Variants in LHCGR observed in about 807,000 individuals in gnomAD.
LHCGR encodes the protein luteinizing hormone/choriogonadotropin receptor, also known as lutropin-choriogonadotropic hormone receptor.
LHCGR carries 55 observed loss-of-function variants against 60.7 expected under a neutral mutation model. The ratio of observed to expected loss-of-function variants is 0.91; its 90% CI spans 0.73 to 1.13. LHCGR has a LOEUF of 1.13. Among genes scored for constraint, LHCGR ranks in the 50% most tolerant of loss-of-function variants. The probability of loss-of-function intolerance (pLI) is 0.00; values close to 1 mark genes in which losing one functional copy is unlikely to be tolerated. For missense variants in LHCGR, 862 were observed against 836.0 expected, an observed-to-expected ratio of 1.03 and a Z score of -0.38; for synonymous variants, 337 against 316.5, an observed-to-expected ratio of 1.06 and a Z score of -0.69.
chr2:48,688,743 G>A lies in LHCGR; in HGVS notation c.1054C>T (p.Pro352Ser), dbSNP rs865884158. The A allele has an allele frequency of 1.9e-6, 3 of 1,613,958 alleles. No individual in the cohort carries two copies. The highest frequency in any genetic ancestry group is 2.5e-6 in the Non-Finnish European group (3 of 1,179,976). Residue 352 changes from proline to serine, a missense_variant, in exon 11 of 11, where the codon CCC becomes TCC. Coordinates refer to ENST00000294954, the MANE Select transcript of LHCGR (RefSeq NM_000233.4). The surrounding 1 kb of genome is among the most constrained non-coding windows in gnomAD (Gnocchi z 5.2). ...RCAPEPDAFN[P>S]CEDIMGYDFL... is the part of the protein sequence containing the mutation. ...TCATAGCCCATAATATCTTCACAGG[G>A]ATTAAAAGCATCTGGTTCAGGAGCA...
intron 1 of LHCGR, among the ~76,000 whole-genome samples, chr2:48,752,195 C>T (rs1408497039): frequency 2.0e-5 from 3 of 152,078 alleles, no homozygotes; most frequent in East Asian, 1.9e-4. Context: ...AAAATTTGAA[C>T]GATGCCATTT....
chr2:48,712,020 C>G (rs1171044662), intron 7 of LHCGR, among the ~76,000 whole-genome samples: 1 of 152,024 alleles, frequency 6.6e-6, no homozygotes, highest in Non-Finnish European at 1.5e-5. Flanking sequence ...ATCTGCTGGT[C>G]TATGAACACA....
chr2:48,732,643 C>A (rs1238681538), intron 1 of LHCGR, among the ~76,000 whole-genome samples: 2 of 152,160 alleles, frequency 1.3e-5, no homozygotes, highest in African/African-American at 4.8e-5. Flanking sequence ...CTGGCCAAAG[C>A]ATGTCACTCT....
chr2:48,742,110 G>A (rs907044473), intron 1 of LHCGR, among the ~76,000 whole-genome samples: 7 of 151,800 alleles, frequency 4.6e-5, no homozygotes, highest in African/African-American at 1.7e-4. Flanking sequence ...ATTACATAAT[G>A]GTAAAGGGAT....
rs200691173 is a variant in LHCGR, at chr2:48,687,922, T to A, written c.1875A>T (p.Ile625=). 109 of 1,614,116 alleles carry A rather than the reference T, an allele frequency of 6.8e-5. No individual in the cohort carries two copies. The highest frequency in any genetic ancestry group is 1.2e-4 in the Admixed American group (7 of 60,024). The change falls in exon 11 of 11, where the codon ATA becomes ATT. Residue 625 remains isoleucine (I), a synonymous_variant. Transcript: ENST00000294954. ...NSCANPFLYA[I]FTKTFQRDFF... is the part of the protein sequence containing the mutation. ...AATCTCTTTGGAATGTCTTAGTGAA[T>A]ATTGCATACAGAAATGGATTGGCAC...
At chr2:48,738,084 C>T (rs1378158773) in intron 1 of LHCGR, among the ~76,000 whole-genome samples, 1 of 152,164 alleles carries the variant, frequency 6.6e-6, no homozygotes, top group Non-Finnish European at 1.5e-5. Flanking sequence ...AAAACTTAGC[C>T]TCCTGAAAAG....
chr2:48,687,981 C>T lies in LHCGR; in HGVS notation c.1816G>A (p.Val606Ile), dbSNP rs1392963049. Reference protein sequence around the residue: ...VPLITVTNSKVLLVLFYPINS... With the variant: ...VPLITVTNSKILLVLFYPINS... ...ATGGGATAAAAAAGAACCAGTAAAA[C>T]TTTAGAGTTGGTTACTGTGATAAGA... Residue 606 changes from valine to isoleucine, a missense_variant, in exon 11 of 11, where the codon GTT (valine) becomes ATT (isoleucine). By Grantham distance (29) the Val-to-Ile change is conservative. Transcript: ENST00000294954. The T allele has an allele frequency of 6.2e-7, 1 of 1,613,976 alleles. No individual in the cohort carries two copies. Among genetic ancestry groups the T allele is most frequent in the African/African-American group, 1.3e-5 (1 of 74,898 alleles).
At chr2:48,717,244 A>G (rs1668289099) in intron 6 of LHCGR, among the ~76,000 whole-genome samples, 1 of 152,128 alleles carries the variant, frequency 6.6e-6, no homozygotes. Flanking sequence ...TGCTGCCCTG[A>G]TCCTTGTTTG....
chr2:48,712,308 A>G (rs1668031761), intron 7 of LHCGR, among the ~76,000 whole-genome samples: 1 of 152,110 alleles, frequency 6.6e-6, no homozygotes, highest in African/African-American at 2.4e-5. Context: ...GGGCGACACT[A>G]GGACTTAATC....
intron 8 of LHCGR, among the ~76,000 whole-genome samples, chr2:48,705,914 G>A (rs374763360): frequency 1.3e-4 from 20 of 152,288 alleles, no homozygotes; most frequent in Admixed American, 3.3e-4. Context: ...ATATTGTTAT[G>A]TGTGAATTTG....
Position 48,694,210 on chromosome 2 carries a change from A to G in LHCGR, c.947+14T>C, listed in dbSNP as rs770849897. On this transcript the variant is annotated intron_variant, in intron 10 of 10. Transcript: ENST00000294954. ...AGATACGACTTCTGAGTTTCCTTGCATGCAAATACTTACAGTGTTTTGTTA... is the reference window on the plus strand; with the variant it reads ...AGATACGACTTCTGAGTTTCCTTGCGTGCAAATACTTACAGTGTTTTGTTA... 4.2e-6 allele frequency: 6 copies of G among 1,443,662 alleles called. No homozygotes were observed. In the Admixed American group the frequency reaches 7.0e-5, roughly 17 times the overall value. 89.4% of individuals were successfully genotyped at this position (1,443,662 alleles called of 1,614,324 possible).
At chr2:48,732,329 A>T (rs2103636723) in intron 1 of LHCGR, among the ~76,000 whole-genome samples, 1 of 152,350 alleles carries the variant, frequency 6.6e-6, no homozygotes, top group East Asian at 1.9e-4. Flanking sequence ...AAGGTGAAAG[A>T]TGCTGTCTTG....
intron 8 of LHCGR, among the ~76,000 whole-genome samples, chr2:48,706,245 G>A (rs1466790041): frequency 6.6e-6 from 1 of 152,186 alleles, no homozygotes; most frequent in Non-Finnish European, 1.5e-5. Context: ...GGCTTGTAGG[G>A]TTTCTGCTGA....
intron 6 of LHCGR, among the ~76,000 whole-genome samples, chr2:48,715,261 G>A (rs1668194864): frequency 6.6e-6 from 1 of 152,136 alleles, no homozygotes; most frequent in Non-Finnish European, 1.5e-5. Context: ...ATCTAGAACA[G>A]TGCGTGGCAC....
chr2:48,696,017 C>A (rs547080533), intron 9 of LHCGR, among the ~76,000 whole-genome samples: 27 of 150,822 alleles, frequency 1.8e-4, no homozygotes, highest in African/African-American at 3.4e-4. Flanking sequence ...AAAGTTGAAT[C>A]AAAAAAATAG....
At chr2:48,738,579 T>A (rs1669300560) in intron 1 of LHCGR, among the ~76,000 whole-genome samples, 1 of 152,206 alleles carries the variant, frequency 6.6e-6, no homozygotes, top group South Asian at 2.1e-4. Context: ...CAAGGCTCAA[T>A]CTTTATTCAC....
chr2:48,748,578 A>T (rs931146305), intron 1 of LHCGR, among the ~76,000 whole-genome samples: 1 of 151,916 alleles, frequency 6.6e-6, no homozygotes, highest in Non-Finnish European at 1.5e-5. Flanking sequence ...TCTAATTAAC[A>T]CCTCCCAGGA....
At chr2:48,724,715 G>C (rs753181429) in intron 4 of LHCGR, among the ~76,000 whole-genome samples, 8 of 152,170 alleles carry the variant, frequency 5.3e-5, no homozygotes, top group Non-Finnish European at 1.2e-4. Flanking sequence ...CAAAGTAGTT[G>C]ATGCTACCGT....
At chr2:48,728,348 T>C (rs72807950) in intron 3 of LHCGR, among the ~76,000 whole-genome samples, 23,011 of 152,042 alleles carry the variant, frequency 0.15, 2,405 homozygotes, top group East Asian at 0.42. Flanking sequence ...AGCACAGAGC[T>C]CAAAAAATGT....
Sources: allele counts gnomAD v4.1 joint callset (sites outside exome capture counted in the v4.1 genomes callset), GRCh38; gene constraint gnomAD v4.1.1; non-coding constraint Gnocchi (gnomAD v3.1); transcripts MANE v1.5; gene names NCBI Gene and HGNC (gene_info 2026-07-23, HGNC 2026-07-21).